Variants in HTT observed in about 807,000 individuals in gnomAD.
HTT encodes the protein huntington disease protein.
A neutral mutation model predicts 362.3 loss-of-function variants in HTT; 104 were observed. That is an observed-to-expected ratio of 0.29 (90% CI 0.24 to 0.34). The LOEUF (loss-of-function observed/expected upper bound fraction) is 0.34, where lower values mean the gene tolerates loss of function less well. Among genes scored for constraint, HTT ranks in the 10% least tolerant of loss-of-function variants. The pLI is 1.00. For missense variants in HTT, 3,301 were observed against 3,928.6 expected, an observed-to-expected ratio of 0.84 and a Z score of 4.27; for synonymous variants, 1,577 against 1,548.7, an observed-to-expected ratio of 1.02 and a Z score of -0.43.
At chr4:3,118,625 A>G (rs1432141506) in intron 8 of HTT, among the ~76,000 whole-genome samples, 1 of 152,228 alleles carries the variant, frequency 6.6e-6, no homozygotes, top group African/African-American at 2.4e-5. Flanking sequence ...TAGATTAGCA[A>G]GAGTGCTGGT....
At chr4:3,173,912 C>G (rs1344886404) in intron 31 of HTT, among the ~76,000 whole-genome samples, 4 of 152,258 alleles carry the variant, frequency 2.6e-5, no homozygotes, top group Admixed American at 1.3e-4. Flanking sequence ...ACCTCGTGAT[C>G]TGCCCGTCCC....
chr4:3,215,177 C>CGAG lies in HTT; in HGVS notation c.7032_7034dup (p.Glu2345dup), dbSNP rs373205907. 2.9e-5 allele frequency: 47 copies of CGAG among 1,613,678 alleles called. 1 individual carries two copies. Among genetic ancestry groups the CGAG allele is most frequent in the South Asian group, 6.6e-5 (6 of 91,046 alleles). On this transcript the variant is annotated inframe_insertion, in exon 51 of 67. Transcript: ENST00000355072. ...GGACAAATACCCCAAAAGCCATCAGCGAGGAGGAGGAGGAAGTAGATCCAA... is the reference window on the plus strand; with the variant it reads ...GGACAAATACCCCAAAAGCCATCAGCGAGGAGGAGGAGGAGGAAGTAGATCCAA...
intron 29 of HTT, among the ~76,000 whole-genome samples, chr4:3,169,022 C>CT (rs761540640): frequency 0.051 from 7,209 of 141,056 alleles, 209 homozygotes; most frequent in Non-Finnish European, 0.066. Context: ...TTCTTTCTTT[C>CT]TTTTTTTTTT....
chr4:3,177,411 AT>A (rs1421096077), intron 34 of HTT, 24 bp downstream of exon 34: 8 of 1,489,390 alleles, frequency 5.4e-6, no homozygotes, highest in South Asian at 5.0e-5. Context: ...ATTATTTTAG[AT>A]TTTTTTCTTC....
intron 29 of HTT, among the ~76,000 whole-genome samples, chr4:3,162,572 C>T (rs564590382): frequency 3.0e-4 from 46 of 152,170 alleles, no homozygotes; most frequent in Non-Finnish European, 5.9e-4. Flanking sequence ...GAATGTTTTT[C>T]TATTTGTTTG....
chr4:3,194,684 C>T (rs563438961), intron 40 of HTT, among the ~76,000 whole-genome samples: 4 of 152,184 alleles, frequency 2.6e-5, no homozygotes, highest in East Asian at 1.9e-4. Context: ...ATGACGCTCA[C>T]GGAGGCATGC....
intron 31 of HTT, 160 bp downstream of exon 31, chr4:3,173,291 G>T: frequency 1.6e-6 from 1 of 641,468 alleles, no homozygotes; most frequent in Non-Finnish European, 2.7e-6. Flanking sequence ...ATGCAAAGAT[G>T]ATTTAAGGCA....
In HTT at chr4:3,218,912, C is replaced by T. The variant is rs1001735070; in HGVS notation, c.7242+960C>T. 2.0e-4 allele frequency among the ~76,000 whole-genome samples: 31 copies of T among 152,116 alleles called. No homozygotes were observed. Among genetic ancestry groups the T allele is most frequent in the African/African-American group, 7.5e-4 (31 of 41,436 alleles). On this transcript the variant is annotated intron_variant, in intron 52 of 66. Coordinates refer to ENST00000355072, the MANE Select transcript of HTT (RefSeq NM_001388492.1). The surrounding 1 kb of genome is among the most constrained non-coding windows in gnomAD (Gnocchi z 4.4). ...TCCCAGGGAAGAGGCTTGTGGCTGCCTGAGAAGGGTGCGTGCCTGCCTGTG... is the reference window on the plus strand; with the variant it reads ...TCCCAGGGAAGAGGCTTGTGGCTGCTTGAGAAGGGTGCGTGCCTGCCTGTG...
intron 37 of HTT, 100 bp downstream of exon 37, chr4:3,182,570 T>G: frequency 1.3e-6 from 1 of 743,298 alleles, no homozygotes; most frequent in Non-Finnish European, 2.4e-6. Flanking sequence ...TCAGTCCTAA[T>G]CTGTGCCTTG....
intron 6 of HTT, among the ~76,000 whole-genome samples, chr4:3,109,210 T>C (rs544511629): frequency 8.5e-5 from 13 of 152,182 alleles, no homozygotes; most frequent in African/African-American, 2.9e-4. Context: ...ATATTTACTT[T>C]CATGTTTCTT....
In HTT at chr4:3,220,237, C is replaced by G; in HGVS notation, c.7298C>G (p.Pro2433Arg). The change falls in exon 53 of 67, where the codon CCT becomes CGT. Residue 2433 changes from proline to arginine, a missense_variant. Pro to Arg is a moderately radical substitution (Grantham distance 103). This residue lies in a region of HTT where 753 missense variants were observed against 1,021.3 expected (regional missense o/e 0.74). Coordinates refer to ENST00000355072, the MANE Select transcript of HTT (RefSeq NM_001388492.1). ...KPGGDFGTAFPEIPVEFLQEK... is the reference protein window; with the variant it reads ...KPGGDFGTAFREIPVEFLQEK... ...GGAGGGGATTTTGGCACAGCATTCC[C>G]TGAGATCCCCGTGGAGTTCCTCCAG... 6.2e-7 allele frequency: 1 copy of G among 1,614,140 alleles called. No individual in the cohort carries two copies. The highest frequency in any genetic ancestry group is 8.5e-7 in the Non-Finnish European group (1 of 1,179,988).
chr4:3,163,614 A>G (rs887644818), intron 29 of HTT, among the ~76,000 whole-genome samples: 3 of 152,318 alleles, frequency 2.0e-5, no homozygotes, highest in Middle Eastern at 6.8e-3. Context: ...TTATCAGTCT[A>G]TTCAGAGATT....
chr4:3,146,142 A>G (rs1164959125), intron 24 of HTT, among the ~76,000 whole-genome samples: 7 of 152,174 alleles, frequency 4.6e-5, no homozygotes, highest in Non-Finnish European at 7.3e-5. Context: ...TATGAGTTCT[A>G]TTCTCCATAT....
intron 53 of HTT, 35 bp from the exon 54 acceptor site, chr4:3,222,352 G>A (rs776704908): frequency 6.4e-7 from 1 of 1,571,346 alleles, no homozygotes; most frequent in Admixed American, 1.7e-5. Context: ...CTTGAGAAGG[G>A]TTGACACTCT....
chr4:3,102,046 AG>A (rs1349611576), intron 3 of HTT, among the ~76,000 whole-genome samples: 1 of 152,204 alleles, frequency 6.6e-6, no homozygotes, highest in Non-Finnish European at 1.5e-5. Context: ...GTAGAGAATT[AG>A]GGGCTCTTGA....
intron 22 of HTT, among the ~76,000 whole-genome samples, chr4:3,141,752 G>T (rs1006798765): frequency 2.6e-5 from 4 of 152,118 alleles, no homozygotes; most frequent in African/African-American, 9.7e-5. Context: ...TACAGAGTGA[G>T]ACTCTGTCTC....
At chr4:3,211,104 A>T (rs1337700268) in intron 47 of HTT, among the ~76,000 whole-genome samples, 2 of 150,508 alleles carry the variant, frequency 1.3e-5, no homozygotes, top group Non-Finnish European at 3.0e-5. Flanking sequence ...GGATTTCACC[A>T]TGTTGGCCAG....
chr4:3,239,803 A>C, intron 66 of HTT, 43 bp from the exon 67 acceptor site: 12 of 1,360,692 alleles, frequency 8.8e-6, no homozygotes, highest in Non-Finnish European at 1.1e-5. Flanking sequence ...GGGAGGCAGC[A>C]TTCCCCTCAT....
Position 3,154,069 on chromosome 4 carries a change from G to A in HTT, c.3499-224G>A, listed in dbSNP as rs542523533. Reference sequence around the variant, plus strand: ...CAACTCATTCTCTGTGCACCTGTTAGGAAGTTGTGGGCCAGTCCCTACCAT... The same window carrying A: ...CAACTCATTCTCTGTGCACCTGTTAAGAAGTTGTGGGCCAGTCCCTACCAT... On this transcript the variant is annotated intron_variant, in intron 26 of 66. Coordinates refer to ENST00000355072, the MANE Select transcript of HTT (RefSeq NM_001388492.1). Among the ~76,000 whole-genome samples the A allele has an allele frequency of 6.6e-5, 10 of 152,262 alleles. No homozygotes were observed. In the East Asian group the frequency reaches 1.9e-3, roughly 29 times the overall value.
Sources: gnomAD v4.1 joint callset for allele counts (sites outside exome capture counted in the v4.1 genomes callset) on GRCh38, gnomAD v4.1.1 for gene constraint, gnomAD v4.1.1 regional missense constraint, Gnocchi (gnomAD v3.1) non-coding constraint, MANE v1.5 for transcripts, NCBI Gene and HGNC (gene_info 2026-07-23, HGNC 2026-07-21) for gene names.